The following TMEM132B variants were observed in gnomAD, a reference collection of about 807,000 sequenced individuals.
The protein encoded by TMEM132B is transmembrane protein 132B.
TMEM132B carries 18 observed loss-of-function variants against 90.8 expected under a neutral mutation model. The observed-to-expected ratio is 0.20, with a 90% CI of 0.14 to 0.29. TMEM132B has a LOEUF of 0.29. Among genes scored for constraint, TMEM132B ranks in the 10% least tolerant of loss-of-function variants. TMEM132B has a pLI of 1.00. For synonymous variants in TMEM132B, 504 were observed against 523.3 expected, an observed-to-expected ratio of 0.96 and a Z score of 0.50; for missense variants, 1,096 against 1,326.8, an observed-to-expected ratio of 0.83 and a Z score of 2.70.
chr12:125,531,920 G>A (rs188443561), intron 4 of TMEM132B, among the ~76,000 whole-genome samples: 51 of 152,336 alleles, frequency 3.3e-4, no homozygotes, highest in Admixed American at 1.2e-3. Flanking sequence ...CTCTCCTGGC[G>A]CTGCAAGCCA....
chr12:125,577,032 T>C (rs1354787933), intron 4 of TMEM132B, among the ~76,000 whole-genome samples: 1 of 151,838 alleles, frequency 6.6e-6, no homozygotes, highest in African/African-American at 2.4e-5. Context: ...TTTCATCTTC[T>C]AATTTTGTGA....
chr12:125,634,740 G>A (rs1208095295), intron 5 of TMEM132B, among the ~76,000 whole-genome samples: 1 of 152,180 alleles, frequency 6.6e-6, no homozygotes, highest in Non-Finnish European at 1.5e-5. Flanking sequence ...GCATGGAAAG[G>A]AGGCCTCAGG....
In TMEM132B at chr12:125,644,062, C is replaced by T. The variant is rs1203501257; in HGVS notation, c.1438-14C>T. ...CCTACTGATGCATCTCAAGGTTCTA[C>T]CTCCTTCCCAAAGGTTTCCAACAAC... On this transcript the variant is annotated splice_polypyrimidine_tract_variant and intron_variant, in intron 5 of 8. Transcript: ENST00000682704. The T allele has an allele frequency of 2.5e-6, 4 of 1,613,284 alleles. No individual in the cohort carries two copies. Among genetic ancestry groups the T allele is most frequent in the Non-Finnish European group, 3.4e-6 (4 of 1,179,390 alleles).
chr12:125,204,958 A>G (rs1241501774), intron 1 of TMEM132B, among the ~76,000 whole-genome samples: 1 of 101,862 alleles, frequency 9.8e-6, no homozygotes, highest in African/African-American at 3.9e-5. Flanking sequence ...AATCCTTTCA[A>G]TGAGGGCTCC....
chr12:125,506,661 CA>C (rs1882854345), intron 3 of TMEM132B, among the ~76,000 whole-genome samples: 1 of 152,140 alleles, frequency 6.6e-6, no homozygotes, highest in South Asian at 2.1e-4. Context: ...AATACTTTAT[CA>C]AATACTAACC....
chr12:125,461,179 T>C (rs1881426718), intron 3 of TMEM132B, among the ~76,000 whole-genome samples: 1 of 152,224 alleles, frequency 6.6e-6, no homozygotes, highest in Admixed American at 6.5e-5. Flanking sequence ...TGGGAGCTTA[T>C]GGACCTTCTT....
intron 5 of TMEM132B, among the ~76,000 whole-genome samples, chr12:125,590,873 GTGC>G (rs1248160859): frequency 6.6e-6 from 1 of 152,294 alleles, no homozygotes; most frequent in East Asian, 1.9e-4. Flanking sequence ...CATCTAGAAG[GTGC>G]TGTAGCTCAA....
At chr12:125,518,506 A>G (rs1883224421) in intron 3 of TMEM132B, among the ~76,000 whole-genome samples, 1 of 152,164 alleles carries the variant, frequency 6.6e-6, no homozygotes, top group Non-Finnish European at 1.5e-5. Context: ...CCTTCCTTGT[A>G]TCTGGGTGGA....
At chr12:125,300,724 A>G (rs923408321) in intron 1 of TMEM132B, among the ~76,000 whole-genome samples, 2 of 152,184 alleles carry the variant, frequency 1.3e-5, no homozygotes, top group Admixed American at 6.5e-5. Flanking sequence ...CAACTAAGAC[A>G]TAGAGAGGTG....
chr12:125,255,823 T>C (rs1325939347), intron 1 of TMEM132B, among the ~76,000 whole-genome samples: 1 of 152,218 alleles, frequency 6.6e-6, no homozygotes, highest in Non-Finnish European at 1.5e-5. Flanking sequence ...AGATGAAAGA[T>C]GGCTCTGGAA....
intron 1 of TMEM132B, among the ~76,000 whole-genome samples, chr12:125,264,095 T>C (rs926107079): frequency 1.3e-5 from 2 of 152,152 alleles, no homozygotes; most frequent in Admixed American, 1.3e-4. Flanking sequence ...AAAATATGTT[T>C]CCTTGCTTTT....
At chr12:125,288,837 T>C (rs1396730891) in intron 1 of TMEM132B, among the ~76,000 whole-genome samples, 1 of 152,044 alleles carries the variant, frequency 6.6e-6, no homozygotes, top group East Asian at 1.9e-4. Flanking sequence ...GGTTGAGAAC[T>C]TTTGTTTTAG....
intron 3 of TMEM132B, among the ~76,000 whole-genome samples, chr12:125,432,208 C>T (rs1880529383): frequency 6.6e-6 from 1 of 151,302 alleles, no homozygotes; most frequent in African/African-American, 2.4e-5. Flanking sequence ...GCATGGTCTG[C>T]CAGGCTGGTT....
chr12:125,516,180 C>G (rs1883158717), intron 3 of TMEM132B, among the ~76,000 whole-genome samples: 1 of 152,136 alleles, frequency 6.6e-6, no homozygotes, highest in Non-Finnish European at 1.5e-5. Context: ...CACTCACATA[C>G]ACTATCGCAC....
chr12:125,502,042 G>A (rs1882712924), intron 3 of TMEM132B, among the ~76,000 whole-genome samples: 2 of 152,202 alleles, frequency 1.3e-5, no homozygotes, highest in South Asian at 2.1e-4. Context: ...ATGCATGTGT[G>A]TGCCCATGTG....
chr12:125,350,790 C>T (rs930808659), intron 2 of TMEM132B, among the ~76,000 whole-genome samples: 4 of 152,166 alleles, frequency 2.6e-5, no homozygotes, highest in African/African-American at 9.7e-5. Context: ...GTCTTAGTTG[C>T]AAGAGACAGA....
chr12:125,477,802 A>G (rs1881928317), intron 3 of TMEM132B, among the ~76,000 whole-genome samples: 1 of 151,980 alleles, frequency 6.6e-6, no homozygotes, highest in African/African-American at 2.4e-5. Context: ...TGGGTCCCTG[A>G]CCCCCGTGTA....
At position 125,644,187 on chromosome 12, in the gene TMEM132B, G is replaced by C. The variant is rs773042056; in HGVS notation, c.1549G>C (p.Val517Leu). The change falls in exon 6 of 9, where the codon GTC becomes CTC. Residue 517 changes from valine (V) to leucine (L), a missense_variant. Val to Leu is a conservative substitution (Grantham distance 32, BLOSUM62 1). Coordinates refer to ENST00000682704, the MANE Select transcript of TMEM132B (RefSeq NM_001366854.1). ...QHFTSQFEVT[V>L]WAPRLPLQIE... ...CTTCACCTCCCAGTTCGAGGTCACT[G>C]TCTGGGCACCCAGGCTCCCCCTGCA... is the stretch of plus-strand genomic sequence containing the variant. 2.2e-5 allele frequency: 36 copies of C among 1,614,102 alleles called. No homozygotes were observed. The highest frequency in any genetic ancestry group is 4.5e-5 in the East Asian group (2 of 44,898).
In TMEM132B at chr12:125,445,126, T is replaced by C. The variant is rs1021213042; in HGVS notation, c.1106+29449T>C. On this transcript the variant is annotated intron_variant, in intron 3 of 8. Coordinates refer to ENST00000682704, the MANE Select transcript of TMEM132B (RefSeq NM_001366854.1). The surrounding 1 kb of genome is among the most constrained non-coding windows in gnomAD (Gnocchi z 4.3). ...TTATTTGATAAGTGTAAAGATACAGTCAATTATTTGCTACATTGATTTTCC... is the reference window on the plus strand; with the variant it reads ...TTATTTGATAAGTGTAAAGATACAGCCAATTATTTGCTACATTGATTTTCC... Among the ~76,000 whole-genome samples the C allele has an allele frequency of 7.9e-5, 12 of 152,198 alleles. No homozygotes were observed. Among genetic ancestry groups the C allele is most frequent in the African/African-American group, 2.9e-4 (12 of 41,446 alleles).
Sources: gnomAD v4.1 joint callset for allele counts (sites outside exome capture counted in the v4.1 genomes callset) on GRCh38, gnomAD v4.1.1 for gene constraint, Gnocchi (gnomAD v3.1) non-coding constraint, MANE v1.5 for transcripts, NCBI Gene and HGNC (gene_info 2026-07-23, HGNC 2026-07-21) for gene names.